Variants in PDE1C observed in about 807,000 individuals in gnomAD.
PDE1C encodes the protein dual specificity calcium/calmodulin-dependent 3',5'-cyclic nucleotide phosphodiesterase 1C.
Under a neutral mutation model 93.1 loss-of-function variants are expected in PDE1C, and 62 were observed. That is an observed-to-expected ratio of 0.67 (90% CI 0.54 to 0.82). PDE1C has a LOEUF of 0.82. Ranked by LOEUF, PDE1C falls within the 40% of genes least tolerant of loss-of-function variation. The probability of loss-of-function intolerance (pLI) is 0.00; values close to 1 mark genes in which losing one functional copy is unlikely to be tolerated. For synonymous variants in PDE1C, 325 were observed against 310.1 expected, an observed-to-expected ratio of 1.05 and a Z score of -0.50; for missense variants, 742 against 884.6, an observed-to-expected ratio of 0.84 and a Z score of 2.04.
intron 1 of PDE1C, among the ~76,000 whole-genome samples, chr7:32,258,785 ATC>A (rs1308963872): frequency 6.6e-6 from 1 of 152,208 alleles, no homozygotes; most frequent in Non-Finnish European, 1.5e-5. Context: ...CAAGCCAAGT[ATC>A]TTTTACCCAA....
chr7:32,291,998 C>A (rs993027843), intron 1 of PDE1C, among the ~76,000 whole-genome samples: 2 of 152,124 alleles, frequency 1.3e-5, no homozygotes, highest in South Asian at 2.1e-4. Flanking sequence ...GTGGTTCCCC[C>A]GCCCTTCTAC....
chr7:31,933,633 T>A (rs970062518), intron 2 of PDE1C, among the ~76,000 whole-genome samples: 4 of 152,106 alleles, frequency 2.6e-5, no homozygotes, highest in African/African-American at 9.7e-5. Context: ...GTATTGGAGG[T>A]GGGGACTGGT....
At chr7:31,696,247 T>C in the PDE1C span, among the ~76,000 whole-genome samples, 1 of 152,170 alleles carries the variant, frequency 6.6e-6, no homozygotes, top group Non-Finnish European at 1.5e-5. Flanking sequence ...TGTCACTAAT[T>C]TACTGTCATC....
intron 3 of PDE1C, among the ~76,000 whole-genome samples, chr7:32,094,622 CT>C (rs761686341): frequency 2.0e-4 from 31 of 152,300 alleles, no homozygotes; most frequent in Non-Finnish European, 4.0e-4. Context: ...GAGTCCCAAG[CT>C]CTATCATTAT....
At chr7:31,900,695 A>T (rs2128919598) in intron 2 of PDE1C, among the ~76,000 whole-genome samples, 1 of 151,992 alleles carries the variant, frequency 6.6e-6, no homozygotes, top group African/African-American at 2.4e-5. Flanking sequence ...GCTATATCAC[A>T]ACAAAATAAG....
intron 2 of PDE1C, among the ~76,000 whole-genome samples, chr7:32,002,248 T>C (rs1472339653): frequency 6.6e-6 from 1 of 152,150 alleles, no homozygotes; most frequent in Non-Finnish European, 1.5e-5. Flanking sequence ...CACACACACA[T>C]GTTCATGGAT....
At chr7:31,854,505 C>T (rs956813413) in intron 7 of PDE1C, among the ~76,000 whole-genome samples, 2 of 152,160 alleles carry the variant, frequency 1.3e-5, no homozygotes, top group African/African-American at 4.8e-5. Context: ...TGAAAGGATG[C>T]TTTGACAAGT....
chr7:31,895,493 A>AT (rs1022342689), intron 2 of PDE1C, among the ~76,000 whole-genome samples: 7 of 152,200 alleles, frequency 4.6e-5, no homozygotes, highest in African/African-American at 1.4e-4. Flanking sequence ...AAGCATTTAC[A>AT]TTTTTTTAAG....
intron 12 of PDE1C, among the ~76,000 whole-genome samples, chr7:31,825,457 G>C (rs1345619001): frequency 6.6e-6 from 1 of 152,110 alleles, no homozygotes; most frequent in South Asian, 2.1e-4. Context: ...ATTTGGGGAA[G>C]GAAAGCTTGG....
chr7:31,647,801 A>T, the PDE1C span, among the ~76,000 whole-genome samples: 1 of 152,134 alleles, frequency 6.6e-6, no homozygotes, highest in East Asian at 1.9e-4. Flanking sequence ...AGACTCAAAA[A>T]CATCATTATC....
At chr7:31,625,883 C>G in the PDE1C span, among the ~76,000 whole-genome samples, 1 of 151,594 alleles carries the variant, frequency 6.6e-6, no homozygotes, top group Non-Finnish European at 1.5e-5. Context: ...GTGATCTCAT[C>G]TAAAATTGAA....
chr7:31,833,688 G>A (rs1790705910), intron 11 of PDE1C, among the ~76,000 whole-genome samples: 1 of 152,140 alleles, frequency 6.6e-6, no homozygotes, highest in South Asian at 2.1e-4. Flanking sequence ...AAATGACTTA[G>A]GGTATCTGGC....
At chr7:32,258,040 C>T (rs1809931494) in intron 1 of PDE1C, among the ~76,000 whole-genome samples, 1 of 152,238 alleles carries the variant, frequency 6.6e-6, no homozygotes. Flanking sequence ...CCAGGTTTCT[C>T]TGCAGAGTTT....
chr7:32,144,831 C>T (rs151285885), intron 3 of PDE1C, among the ~76,000 whole-genome samples: 2,094 of 152,266 alleles, frequency 0.014, 25 homozygotes, highest in Non-Finnish European at 0.022. Context: ...AAATGATGAA[C>T]ACCACCATCT....
At chr7:31,823,521 C>A (rs891082291) in intron 13 of PDE1C, among the ~76,000 whole-genome samples, 4 of 152,034 alleles carry the variant, frequency 2.6e-5, no homozygotes, top group Non-Finnish European at 5.9e-5. Flanking sequence ...TCCCCATAAC[C>A]AGAATCCCCT....
chr7:32,087,293 A>G (rs2128742415), intron 3 of PDE1C, among the ~76,000 whole-genome samples: 1 of 151,632 alleles, frequency 6.6e-6, no homozygotes, highest in East Asian at 1.9e-4. Flanking sequence ...AATCAAAACC[A>G]CAATGAGATA....
chr7:32,023,873 C>T (rs186018190), intron 2 of PDE1C, among the ~76,000 whole-genome samples: 85 of 152,098 alleles, frequency 5.6e-4, no homozygotes, highest in South Asian at 2.3e-3. Flanking sequence ...ACAAAATTGT[C>T]ACAAATGCAA....
chr7:32,356,112 A>T (rs940978420), intron 1 of PDE1C, among the ~76,000 whole-genome samples: 1 of 152,206 alleles, frequency 6.6e-6, no homozygotes, highest in African/African-American at 2.4e-5. Context: ...AATAATTCTC[A>T]GCTCAATCAG....
intron 1 of PDE1C, among the ~76,000 whole-genome samples, chr7:32,210,769 G>A (rs1435772567): frequency 1.3e-5 from 2 of 152,056 alleles, no homozygotes; most frequent in African/African-American, 4.8e-5. Flanking sequence ...TTACATCTTA[G>A]TATCTTTTGT....
Sources: allele counts gnomAD v4.1 joint callset (sites outside exome capture counted in the v4.1 genomes callset), GRCh38; gene constraint gnomAD v4.1.1; transcripts MANE v1.5; gene names NCBI Gene and HGNC (gene_info 2026-07-23, HGNC 2026-07-21).